C12orf75: variants seen among roughly 807,000 people sequenced by gnomAD.
C12orf75 encodes chromosome 12 open reading frame 75.
C12orf75 carries 4 observed loss-of-function variants against 11.4 expected under a neutral mutation model. The ratio of observed to expected loss-of-function variants is 0.35; its 90% CI spans 0.17 to 0.80. The LOEUF is 0.80. Ranked by LOEUF, C12orf75 falls within the 30% of genes least tolerant of loss-of-function variation. C12orf75 has a pLI of 0.52. For synonymous variants in C12orf75, 30 were observed against 30.0 expected (o/e 1.00, Z 0.00); for missense variants, 89 against 80.4 (o/e 1.11, Z -0.41).
At chr12:105,339,548 A>G (rs1892540697) in intron 1 of C12orf75, among the ~76,000 whole-genome samples, 1 of 152,148 alleles carries the variant, frequency 6.6e-6, no homozygotes, top group Non-Finnish European at 1.5e-5. Flanking sequence ...TATAAAGTCT[A>G]GAGTCTATAT....
In C12orf75 at chr12:105,366,658, T is replaced by C. The variant is rs1871481546; in HGVS notation, c.149T>C (p.Val50Ala). Reference protein sequence around the residue: ...GVYVGLPSEAVNMVSSQTKTV... With the variant: ...GVYVGLPSEAANMVSSQTKTV... ...TATGTTGGCCTACCATCTGAAGCTGTCAATATGGTGTCCAGTCAAACAAAG... is the reference window on the plus strand; with the variant it reads ...TATGTTGGCCTACCATCTGAAGCTGCCAATATGGTGTCCAGTCAAACAAAG... Residue 50 changes from valine (V) to alanine (A), a missense_variant, in exon 4 of 6, where the codon GTC becomes GCC. Physicochemically the swap from Val to Ala is moderately conservative, Grantham distance 64. Transcript: ENST00000443585. 6.5e-7 allele frequency: 1 copy of C among 1,545,084 alleles called. No homozygotes were observed. The highest frequency in any genetic ancestry group is 2.5e-5 in the East Asian group (1 of 40,812).
intron 2 of C12orf75, among the ~76,000 whole-genome samples, chr12:105,361,598 G>A (rs894388297): frequency 1.3e-5 from 2 of 152,130 alleles, no homozygotes; most frequent in African/African-American, 4.8e-5. Flanking sequence ...TGAGGCAATC[G>A]CATTGGCCTG....
rs1871459522 is a variant in C12orf75, at chr12:105,365,970, G to T, written c.107+128G>T. The T allele has an allele frequency of 2.5e-5, 18 of 729,742 alleles. No homozygotes were observed. In the South Asian group the frequency reaches 2.8e-4, roughly 11 times the overall value. The allele number at this position is 729,742 out of a possible 1,614,324, so 45.2% of individuals were successfully genotyped here. A position where few individuals can be genotyped will look rare whatever the true frequency, so the allele number is the denominator to read the frequency against. ...AAAACTGTTGGCACAGAGAATACAG[G>T]TAGGGGCATATGGTCTGAAAAAGAA... On this transcript the variant is annotated intron_variant, in intron 3 of 5. Coordinates refer to ENST00000443585, the MANE Select transcript of C12orf75 (RefSeq NM_001145199.2).
At chr12:105,367,637 C>G (rs1164642760) in intron 5 of C12orf75, 128 bp downstream of exon 5, 2 of 312,558 alleles carry the variant, frequency 6.4e-6, no homozygotes, top group African/African-American at 4.3e-5. Context: ...GGGGTTTCAT[C>G]CTATGGAATT....
intron 2 of C12orf75, among the ~76,000 whole-genome samples, chr12:105,355,692 A>T (rs924314603): frequency 1.3e-5 from 2 of 152,218 alleles, no homozygotes. Flanking sequence ...GGTAGGTGAG[A>T]ACAAGATGCA....
intron 1 of C12orf75, among the ~76,000 whole-genome samples, chr12:105,344,745 C>CAA (rs35185869): frequency 0.21 from 21,033 of 102,186 alleles, 2,042 homozygotes; most frequent in Non-Finnish European, 0.27. Flanking sequence ...GACTCTGTGT[C>CAA]AAAAAAAAAA....
chr12:105,340,163 C>A (rs956384153), intron 1 of C12orf75, among the ~76,000 whole-genome samples: 9 of 151,922 alleles, frequency 5.9e-5, no homozygotes, highest in African/African-American at 2.2e-4. Context: ...TGGTGGCTCA[C>A]GCCTGTAATC....
In C12orf75 at chr12:105,366,759, C is replaced by G; in HGVS notation, c.187+63C>G. ...TTTATTTTTATGTTTTATGAAAAAG[C>G]ATGAAATTTATATTTCAGCTTACTC... On this transcript the variant is annotated intron_variant, in intron 4 of 5. Coordinates refer to ENST00000443585, the MANE Select transcript of C12orf75 (RefSeq NM_001145199.2). 4 of 986,852 alleles carry G rather than the reference C, an allele frequency of 4.1e-6. No homozygotes were observed. The South Asian group carries it at 4.2e-5, about 10-fold the overall frequency. 61.1% of individuals were successfully genotyped at this position (986,852 alleles called of 1,614,324 possible). A position where few individuals can be genotyped will look rare whatever the true frequency, so the allele number is the denominator to read the frequency against.
chr12:105,330,719 T>A lies in C12orf75; in HGVS notation c.-173T>A. 5.7e-6 allele frequency: 3 copies of A among 526,788 alleles called. No homozygotes were observed. The highest frequency in any genetic ancestry group is 8.1e-6 in the Non-Finnish European group (3 of 372,406). 32.6% of individuals were successfully genotyped at this position (526,788 alleles called of 1,614,324 possible). ...TTCCGCCCGGCAGCCCGCAGCCCGC[T>A]GCGCCCCGGGCCGCGTCTCCCGGCG... On this transcript the variant is annotated 5_prime_UTR_variant, in exon 1 of 6. Transcript: ENST00000443585.
intron 1 of C12orf75, 126 bp downstream of exon 1, chr12:105,331,063 C>A: frequency 1.7e-6 from 1 of 576,608 alleles, no homozygotes; most frequent in Non-Finnish European, 2.5e-6. Flanking sequence ...GGGACAGGAG[C>A]AGACCGCCCG....
intron 2 of C12orf75, among the ~76,000 whole-genome samples, chr12:105,360,426 C>T (rs1047873140): frequency 1.3e-5 from 2 of 152,226 alleles, no homozygotes; most frequent in Non-Finnish European, 2.9e-5. Flanking sequence ...TCCAGCAAGA[C>T]ATTCTGGATC....
intron 1 of C12orf75, among the ~76,000 whole-genome samples, chr12:105,334,137 G>C (rs1892471514): frequency 2.0e-5 from 3 of 152,328 alleles, no homozygotes; most frequent in African/African-American, 4.8e-5. Context: ...TCAGCCCCTT[G>C]ATAATTCTGG....
intron 5 of C12orf75, among the ~76,000 whole-genome samples, chr12:105,368,410 C>CA: frequency 1.3e-5 from 2 of 152,322 alleles, no homozygotes; most frequent in East Asian, 3.9e-4. Flanking sequence ...TTCAGGCTCT[C>CA]ATTTACTAGC....
chr12:105,342,778 G>C (rs185902112), intron 1 of C12orf75, among the ~76,000 whole-genome samples: 1 of 152,118 alleles, frequency 6.6e-6, no homozygotes, highest in Non-Finnish European at 1.5e-5. Flanking sequence ...AAATTCCAGG[G>C]GTTTTAGGAG....
intron 2 of C12orf75, among the ~76,000 whole-genome samples, chr12:105,359,558 G>T (rs1430052648): frequency 6.6e-6 from 1 of 152,046 alleles, no homozygotes; most frequent in East Asian, 1.9e-4. Context: ...ATCACTTGGG[G>T]TCAGGAGTTC....
intron 1 of C12orf75, among the ~76,000 whole-genome samples, chr12:105,335,626 G>T (rs1033180008): frequency 2.9e-5 from 4 of 135,952 alleles, no homozygotes; most frequent in African/African-American, 8.4e-5. Context: ...TTTTGTTTAC[G>T]GCTGTATCCT....
chr12:105,366,324 T>A (rs1264197812), intron 3 of C12orf75: 1 of 302,002 alleles, frequency 3.3e-6, no homozygotes, highest in African/African-American at 2.2e-5. Context: ...CTGTATGATA[T>A]TTAATACTCT....
intron 1 of C12orf75, among the ~76,000 whole-genome samples, chr12:105,347,287 G>T (rs115159091): frequency 0.016 from 2,375 of 152,308 alleles, 68 homozygotes; most frequent in African/African-American, 0.054. Flanking sequence ...ATGTATGAAG[G>T]GGAATTTATT....
At chr12:105,360,299 C>G (rs936557607) in intron 2 of C12orf75, among the ~76,000 whole-genome samples, 1 of 152,170 alleles carries the variant, frequency 6.6e-6, no homozygotes, top group Non-Finnish European at 1.5e-5. Flanking sequence ...TGGTCACTGC[C>G]CTACAACTGG....
Sources: gnomAD v4.1 joint callset for allele counts (sites outside exome capture counted in the v4.1 genomes callset) on GRCh38, gnomAD v4.1.1 for gene constraint, MANE v1.5 for transcripts, NCBI Gene and HGNC (gene_info 2026-07-23, HGNC 2026-07-21) for gene names.